ATP13A4: variants seen among roughly 807,000 people sequenced by gnomAD.
The protein encoded by ATP13A4 is probable cation-transporting ATPase 13A4.
A neutral mutation model predicts 142.5 loss-of-function variants in ATP13A4; 114 were observed. That is an observed-to-expected ratio of 0.80 (90% CI 0.69 to 0.93). The LOEUF (loss-of-function observed/expected upper bound fraction) is 0.93. Among genes scored for constraint, ATP13A4 ranks in the 40% least tolerant of loss-of-function variants. The pLI, the probability that ATP13A4 is intolerant of heterozygous loss-of-function variation, is 0.00. For synonymous variants in ATP13A4, 488 were observed against 514.8 expected, an observed-to-expected ratio of 0.95 and a Z score of 0.70; for missense variants, 1,392 against 1,454.0, an observed-to-expected ratio of 0.96 and a Z score of 0.69.
chr3:193,521,545 A>C (rs1385093275), intron 1 of ATP13A4, among the ~76,000 whole-genome samples: 1 of 152,220 alleles, frequency 6.6e-6, no homozygotes, highest in Non-Finnish European at 1.5e-5. Flanking sequence ...GTGTATGGTT[A>C]GATAACACAA....
At chr3:193,485,951 C>A (rs2108660342) in intron 7 of ATP13A4, among the ~76,000 whole-genome samples, 1 of 150,890 alleles carries the variant, frequency 6.6e-6, no homozygotes, top group South Asian at 2.1e-4. Flanking sequence ...ATCCAATTGT[C>A]TTCTATTAAA....
intron 3 of ATP13A4, among the ~76,000 whole-genome samples, chr3:193,498,031 T>C (rs1310898798): frequency 2.6e-5 from 4 of 152,140 alleles, no homozygotes; most frequent in African/African-American, 9.7e-5. Context: ...TTTAATAATA[T>C]TGTATTGTAT....
rs79395000 is a variant in ATP13A4 at position 193,497,869 on chromosome 3, T to C, written c.381+4624A>G. Among the ~76,000 whole-genome samples the C allele has an allele frequency of 2.1e-3, 319 of 152,186 alleles. 10 individuals carry two copies. In the East Asian group the frequency reaches 0.05, roughly 24 times the overall value. On this transcript the variant is annotated intron_variant, in intron 3 of 29. Coordinates refer to ENST00000342695, the MANE Select transcript of ATP13A4 (RefSeq NM_032279.4). ...CATTTGTGAAATCTAAAAAAGCTGA[T>C]GTCATAGAAGTAGGGAGTACAATAT...
chr3:193,560,483 C>CA (rs1723990843), intron 2 of ATP13A4, among the ~76,000 whole-genome samples: 1 of 152,168 alleles, frequency 6.6e-6, no homozygotes, highest in African/African-American at 2.4e-5. Flanking sequence ...GCTGGGATGA[C>CA]AGGTGTCAGC....
intron 1 of ATP13A4, among the ~76,000 whole-genome samples, chr3:193,547,545 T>C (rs1005717276): frequency 4.6e-5 from 7 of 152,214 alleles, no homozygotes; most frequent in African/African-American, 1.7e-4. Context: ...AAAATCATAC[T>C]CCACCCTCCA....
chr3:193,561,666 C>T (rs375188154), intron 2 of ATP13A4, among the ~76,000 whole-genome samples: 49 of 152,308 alleles, frequency 3.2e-4, no homozygotes, highest in African/African-American at 1.1e-3. Context: ...CAGACCCTCT[C>T]CCAGTTAGTG....
chr3:193,570,354 A>C (rs969571522), intron 2 of ATP13A4, among the ~76,000 whole-genome samples: 4 of 152,336 alleles, frequency 2.6e-5, no homozygotes, highest in African/African-American at 9.6e-5. Context: ...GCCACATAAT[A>C]TATGCCTAAA....
At chr3:193,549,444 A>G (rs1372926499) in intron 1 of ATP13A4, among the ~76,000 whole-genome samples, 5 of 151,876 alleles carry the variant, frequency 3.3e-5, no homozygotes, top group Admixed American at 3.3e-4. Context: ...AGAGAGAGAG[A>G]GAGAGAGAGA....
intron 18 of ATP13A4, among the ~76,000 whole-genome samples, chr3:193,443,565 A>G (rs1589438): frequency 0.62 from 94,831 of 152,078 alleles, 31,350 homozygotes; most frequent in Non-Finnish European, 0.74. Context: ...TCAAAGTTTC[A>G]TAACATAATA....
chr3:193,545,944 C>T (rs1029637181), intron 1 of ATP13A4, among the ~76,000 whole-genome samples: 1 of 146,496 alleles, frequency 6.8e-6, no homozygotes, highest in South Asian at 2.2e-4. Flanking sequence ...TGTTTCACAG[C>T]GATTTTATCT....
In ATP13A4 at chr3:193,587,540, C is replaced by T. The variant is rs57632538; in HGVS notation, n.91+5481G>A. The stretch of plus-strand genomic sequence containing the variant: ...AAGAGCCCTTTTCCAAGTAAGGTAA[C>T]ATTCACAAGTTCCAAGGATTAAGAT... On this transcript the variant is annotated intron_variant and non_coding_transcript_variant, in intron 1 of 3. Transcript: ENST00000489140. Among the ~76,000 whole-genome samples, 828 of 152,266 alleles carry T rather than the reference C, an allele frequency of 5.4e-3. 11 individuals carry two copies. The highest frequency in any genetic ancestry group is 0.018 in the African/African-American group (764 of 41,554).
chr3:193,490,010 C>T (rs1191386030), intron 6 of ATP13A4, 146 bp from the exon 7 acceptor site: 1 of 885,938 alleles, frequency 1.1e-6, no homozygotes, highest in African/African-American at 1.7e-5. Flanking sequence ...TGACACGTGC[C>T]AGACACCGCT....
At chr3:193,560,747 G>A (rs1723997833) in intron 2 of ATP13A4, among the ~76,000 whole-genome samples, 1 of 152,152 alleles carries the variant, frequency 6.6e-6, no homozygotes, top group South Asian at 2.1e-4. Flanking sequence ...CTGTGCTTGG[G>A]GAGCTGATGA....
chr3:193,523,184 A>T (rs1247218014), intron 1 of ATP13A4, among the ~76,000 whole-genome samples: 3 of 152,100 alleles, frequency 2.0e-5, no homozygotes, highest in African/African-American at 7.2e-5. Context: ...GGTGCCTGTA[A>T]TCCCAGCTAC....
At chr3:193,577,649 C>T (rs1724425309) in intron 2 of ATP13A4, among the ~76,000 whole-genome samples, 1 of 152,198 alleles carries the variant, frequency 6.6e-6, no homozygotes, top group Non-Finnish European at 1.5e-5. Context: ...ACTGTCTACA[C>T]TGTGCTATAG....
chr3:193,439,213 T>G, intron 21 of ATP13A4, 148 bp from the exon 22 acceptor site: 12 of 806,990 alleles, frequency 1.5e-5, no homozygotes, highest in Non-Finnish European at 4.1e-6. Flanking sequence ...CTGAAAAAAG[T>G]GTGATTCAGC....
At chr3:193,470,425 G>T (rs555401920) in intron 9 of ATP13A4, among the ~76,000 whole-genome samples, 19 of 152,294 alleles carry the variant, frequency 1.2e-4, no homozygotes, top group Admixed American at 1.0e-3. Flanking sequence ...AGGCCAGGAA[G>T]AATTTGGATG....
chr3:193,530,528 A>G (rs942414844), intron 1 of ATP13A4, among the ~76,000 whole-genome samples: 5 of 152,156 alleles, frequency 3.3e-5, no homozygotes, highest in African/African-American at 1.2e-4. Flanking sequence ...TGTCTTCTAG[A>G]TATTTCTCAA....
chr3:193,525,869 T>C (rs991335958), intron 1 of ATP13A4, among the ~76,000 whole-genome samples: 2 of 152,230 alleles, frequency 1.3e-5, no homozygotes, highest in Non-Finnish European at 2.9e-5. Context: ...AAATCCCCTG[T>C]TGAGCTAGTC....
Sources: allele counts gnomAD v4.1 joint callset (sites outside exome capture counted in the v4.1 genomes callset), GRCh38; gene constraint gnomAD v4.1.1; transcripts MANE v1.5; gene names NCBI Gene and HGNC (gene_info 2026-07-23, HGNC 2026-07-21).